The following EFHD2 variants were observed in gnomAD, a reference collection of about 807,000 sequenced individuals.
EFHD2 encodes the protein EF-hand domain-containing protein D2.
Under a neutral mutation model 20.3 loss-of-function variants are expected in EFHD2, and 12 were observed. The observed-to-expected ratio is 0.59, with a 90% CI of 0.38 to 0.96. The LOEUF is 0.96. Ranked by LOEUF, EFHD2 falls within the 40% of genes least tolerant of loss-of-function variation. EFHD2 has a pLI of 0.00. For missense variants in EFHD2, 250 were observed against 334.3 expected (o/e 0.75, Z 1.97); for synonymous variants, 131 against 143.9 (o/e 0.91, Z 0.64).
At chr1:15,418,172 T>A (rs1251204125) in intron 1 of EFHD2, among the ~76,000 whole-genome samples, 3 of 151,282 alleles carry the variant, frequency 2.0e-5, no homozygotes, top group Non-Finnish European at 4.4e-5. Context: ...GTATTCTTAG[T>A]AGAGACAGGG....
chr1:15,423,014 C>G (rs1254115579), intron 1 of EFHD2, among the ~76,000 whole-genome samples: 1 of 152,180 alleles, frequency 6.6e-6, no homozygotes, highest in Non-Finnish European at 1.5e-5. Context: ...GAGGGGAGTC[C>G]TCGTGACTTG....
chr1:15,417,816 G>A (rs1232981917), intron 1 of EFHD2, among the ~76,000 whole-genome samples: 2 of 152,084 alleles, frequency 1.3e-5, no homozygotes, highest in South Asian at 2.1e-4. Flanking sequence ...CGCCCAGAGC[G>A]GCCATCAGTA....
intron 1 of EFHD2, among the ~76,000 whole-genome samples, chr1:15,421,921 C>T (rs762092805): frequency 6.6e-6 from 1 of 151,964 alleles, no homozygotes; most frequent in Non-Finnish European, 1.5e-5. Flanking sequence ...CTTGTTTTAG[C>T]GGTGGTGACT....
At position 15,426,053 on chromosome 1, in the gene EFHD2, G is replaced by A. The variant is rs746734495; in HGVS notation, c.456+35G>A. 6.5e-7 allele frequency: 1 copy of A among 1,532,256 alleles called. No individual in the cohort carries two copies. The highest frequency in any genetic ancestry group is 2.5e-5 in the East Asian group (1 of 40,328). The allele number at this position is 1,532,256 out of a possible 1,614,324, so 94.9% of individuals were successfully genotyped here. A position where few individuals can be genotyped will look rare whatever the true frequency, so the allele number is the denominator to read the frequency against. On this transcript the variant is annotated intron_variant, in intron 2 of 3. Transcript: ENST00000375980. The surrounding 1 kb of genome is among the most constrained non-coding windows in gnomAD (Gnocchi z 4.6). ...GCCCCCAGCCCCACTCCCCTACCAG[G>A]GGCTTCACCTGAGGACCTGGTGGCC...
At position 15,412,482 on chromosome 1, in the gene EFHD2, G is replaced by A. The variant is rs116640227; in HGVS notation, c.308+2203G>A. 3.7e-3 allele frequency among the ~76,000 whole-genome samples: 560 copies of A among 152,280 alleles called. 3 individuals carry two copies. Among genetic ancestry groups the A allele is most frequent in the African/African-American group, 0.013 (527 of 41,544 alleles). ...ACCCAGGTCTGTGACTCCAAATCCC[G>A]GGCTCTTCCCCTTCCGGGTTTCCCA... On this transcript the variant is annotated intron_variant, in intron 1 of 3. Transcript: ENST00000375980.
chr1:15,421,141 T>C (rs1030199423), intron 1 of EFHD2, among the ~76,000 whole-genome samples: 1 of 152,058 alleles, frequency 6.6e-6, no homozygotes, highest in Non-Finnish European at 1.5e-5. Context: ...GAAATTGAGG[T>C]CTGTGGGGTT....
Position 15,409,963 on chromosome 1 carries a change from C to A in EFHD2, c.-9C>A. 1 of 1,234,318 alleles carries A rather than the reference C, an allele frequency of 8.1e-7. No individual in the cohort carries two copies. The highest frequency in any genetic ancestry group is 3.2e-4 in the Middle Eastern group (1 of 3,150). The allele number at this position is 1,234,318 out of a possible 1,614,324, so 76.5% of individuals were successfully genotyped here. A position where few individuals can be genotyped will look rare whatever the true frequency, so the allele number is the denominator to read the frequency against. ...GGGCCCGGCCAAGGCGAGTGCCGCGCGGGCCACCATGGCCACGGACGAGCT... is the reference window on the plus strand; with the variant it reads ...GGGCCCGGCCAAGGCGAGTGCCGCGAGGGCCACCATGGCCACGGACGAGCT... On this transcript the variant is annotated 5_prime_UTR_variant, in exon 1 of 4. Transcript: ENST00000375980.
intron 1 of EFHD2, among the ~76,000 whole-genome samples, chr1:15,411,399 T>C (rs979096646): frequency 2.0e-5 from 3 of 151,960 alleles, no homozygotes; most frequent in Admixed American, 1.3e-4. Context: ...AAAACAATCT[T>C]AATGTCTCTG....
chr1:15,418,392 G>A (rs573356515), intron 1 of EFHD2, among the ~76,000 whole-genome samples: 1,884 of 135,000 alleles, frequency 0.014, 49 homozygotes, highest in African/African-American at 0.051. Flanking sequence ...TGCAAGCTCC[G>A]CCTCCTGGGT....
intron 3 of EFHD2, 84 bp downstream of exon 3, chr1:15,427,368 G>A (rs370065906): frequency 5.0e-5 from 75 of 1,514,222 alleles, no homozygotes; most frequent in South Asian, 2.2e-4. Context: ...TCCCCTTCCC[G>A]TCCCTGCTGA....
rs1214266529 is a variant in EFHD2 at position 15,430,215 on chromosome 1, GCTT to G, written c.*1495_*1497del. ...AAATGTTTTTTTCTTTGGGCTTTTT[GCTT>G]CTTTTTTCCCCCCCTTCTCACCTTC... On this transcript the variant is annotated 3_prime_UTR_variant, in exon 4 of 4. Transcript: ENST00000375980. The G allele has an allele frequency of 1.3e-5, 2 of 153,240 alleles. No homozygotes were observed. Among genetic ancestry groups the G allele is most frequent in the African/African-American group, 2.4e-5 (1 of 41,386 alleles). 9.5% of individuals were successfully genotyped at this position (153,240 alleles called of 1,614,324 possible).
Position 15,409,993 on chromosome 1 carries a change from A to C in EFHD2, c.22A>C (p.Thr8Pro). ...CACCATGGCCACGGACGAGCTGGCCACCAAGCTGAGCCGGCGGCTGCAGAT... is the reference window on the plus strand; with the variant it reads ...CACCATGGCCACGGACGAGCTGGCCCCCAAGCTGAGCCGGCGGCTGCAGAT... MATDELA[T>P]KLSRRLQMEG... Residue 8 changes from threonine (T) to proline (P), a missense_variant, in exon 1 of 4, where the codon ACC (threonine) becomes CCC (proline). Around this residue, in one of 3 missense-constraint regions of EFHD2, gnomAD observed 143 missense variants for 190.6 expected, o/e 0.75. Coordinates refer to ENST00000375980, the MANE Select transcript of EFHD2 (RefSeq NM_024329.6). 2.4e-6 allele frequency: 3 copies of C among 1,252,586 alleles called. No individual in the cohort carries two copies. Among genetic ancestry groups the C allele is most frequent in the Non-Finnish European group, 3.0e-6 (3 of 1,002,738 alleles). The allele number at this position is 1,252,586 out of a possible 1,614,324, so 77.6% of individuals were successfully genotyped here.
intron 1 of EFHD2, among the ~76,000 whole-genome samples, chr1:15,419,366 G>A (rs150208527): frequency 0.013 from 2,000 of 152,318 alleles, 17 homozygotes; most frequent in Non-Finnish European, 0.019. Flanking sequence ...GCCTCCCTCC[G>A]GTGCTGGAGA....
Position 15,426,144 on chromosome 1 carries a change from AG to A in EFHD2, c.456+127del. 2.6e-5 allele frequency: 27 copies of A among 1,035,568 alleles called. No homozygotes were observed. The highest frequency in any genetic ancestry group is 3.2e-5 in the Non-Finnish European group (24 of 754,906). 64.1% of individuals were successfully genotyped at this position (1,035,568 alleles called of 1,614,324 possible). ...ACATTGCCATTGAACAGCAGCTGTG[AG>A]CAGCTGCTGCTTGGCTGAGTGAGGC... is the stretch of plus-strand genomic sequence containing the variant. On this transcript the variant is annotated intron_variant, in intron 2 of 3. Transcript: ENST00000375980. This position sits in a 1 kb window ranked among gnomAD's most constrained non-coding sequence, Gnocchi z 4.6.
At position 15,410,001 on chromosome 1, in the gene EFHD2, G is replaced by C; in HGVS notation, c.30G>C (p.Leu10=). MATDELATK[L]SRRLQMEGEG... is the part of the protein sequence containing the mutation. ...CCACGGACGAGCTGGCCACCAAGCT[G>C]AGCCGGCGGCTGCAGATGGAGGGCG... Residue 10 remains leucine, a synonymous_variant, in exon 1 of 4, where the codon CTG becomes CTC. Transcript: ENST00000375980. 7.9e-7 allele frequency: 1 copy of C among 1,258,346 alleles called. No individual in the cohort carries two copies. 77.9% of individuals were successfully genotyped at this position (1,258,346 alleles called of 1,614,324 possible). A position where few individuals can be genotyped will look rare whatever the true frequency, so the allele number is the denominator to read the frequency against.
chr1:15,417,678 C>T (rs12737425), intron 1 of EFHD2, among the ~76,000 whole-genome samples: 2,955 of 152,318 alleles, frequency 0.019, 49 homozygotes, highest in Middle Eastern at 0.054. Context: ...GCTGGGCTTT[C>T]CCTATATGAG....
chr1:15,416,786 AC>A (rs1707678876), intron 1 of EFHD2, among the ~76,000 whole-genome samples: 1 of 151,590 alleles, frequency 6.6e-6, no homozygotes, highest in East Asian at 1.9e-4. Flanking sequence ...CTCAGATTCC[AC>A]CCCAGATTTA....
At chr1:15,420,568 G>A (rs972525660) in intron 1 of EFHD2, among the ~76,000 whole-genome samples, 12 of 151,894 alleles carry the variant, frequency 7.9e-5, no homozygotes, top group African/African-American at 2.9e-4. Context: ...CACCCAGGCT[G>A]GAGTGCAGTG....
At chr1:15,427,500 G>C (rs1298623974) in intron 3 of EFHD2, among the ~76,000 whole-genome samples, 1 of 152,208 alleles carries the variant, frequency 6.6e-6, no homozygotes, top group African/African-American at 2.4e-5. Context: ...GTGGGTGAGG[G>C]GGGTGTACTC....
Sources: allele counts gnomAD v4.1 joint callset (sites outside exome capture counted in the v4.1 genomes callset), GRCh38; gene constraint gnomAD v4.1.1; regional missense constraint gnomAD v4.1.1; non-coding constraint Gnocchi (gnomAD v3.1); transcripts MANE v1.5; gene names NCBI Gene and HGNC (gene_info 2026-07-23, HGNC 2026-07-21).